The following RBMS3 variants were observed in gnomAD, a reference collection of about 807,000 sequenced individuals.
RBMS3 encodes the protein RNA-binding motif, single-stranded-interacting protein 3.
RBMS3 carries 27 observed loss-of-function variants against 66.8 expected under a neutral mutation model. That is an observed-to-expected ratio of 0.40 (90% CI 0.30 to 0.56). RBMS3 has a LOEUF of 0.56. RBMS3 is among the 20% of genes least tolerant of loss of function. The probability of loss-of-function intolerance (pLI) is 0.40; values close to 1 mark genes in which losing one functional copy is unlikely to be tolerated. For missense variants in RBMS3, 513 were observed against 549.5 expected (o/e 0.93, Z 0.66); for synonymous variants, 188 against 183.0 (o/e 1.03, Z -0.22).
chr3:29,552,119 A>T lies in RBMS3; in HGVS notation c.308-34995A>T, dbSNP rs538239502. Among the ~76,000 whole-genome samples, 10 of 152,338 alleles carry T rather than the reference A, an allele frequency of 6.6e-5. No homozygotes were observed. The East Asian group carries it at 1.7e-3, about 26-fold the overall frequency. ...GGAGTTCTGAAAATCAAGTTTAAAA[A>T]TAAAAATCTTGATACAACAAACCAT... is the stretch of plus-strand genomic sequence containing the variant. On this transcript the variant is annotated intron_variant, in intron 3 of 14. Coordinates refer to ENST00000383767, the MANE Select transcript of RBMS3 (RefSeq NM_001003793.3).
intron 10 of RBMS3, among the ~76,000 whole-genome samples, chr3:29,918,876 G>A (rs9853138): frequency 0.05 from 7,645 of 151,794 alleles, 271 homozygotes; most frequent in African/African-American, 0.097. Context: ...AAAGAACTCT[G>A]AATCAAACCC....
chr3:29,947,378 A>T (rs547047664), intron 12 of RBMS3, among the ~76,000 whole-genome samples: 104 of 151,802 alleles, frequency 6.9e-4, no homozygotes, highest in Non-Finnish European at 1.2e-3. Flanking sequence ...TATTTTACTT[A>T]GGAAGAGTCT....
At chr3:29,924,967 T>G (rs1365500069) in intron 10 of RBMS3, 1 of 152,126 alleles carries the variant, frequency 6.6e-6, no homozygotes, top group African/African-American at 2.4e-5. Flanking sequence ...CAAGATGACT[T>G]AGGAGTTTCT....
intron 4 of RBMS3, among the ~76,000 whole-genome samples, chr3:29,643,398 A>G (rs1008745962): frequency 2.6e-5 from 4 of 151,968 alleles, no homozygotes; most frequent in African/African-American, 9.7e-5. Flanking sequence ...TTCTTTGTTG[A>G]CTTCTTCCCC....
At chr3:29,732,001 TTCTCTCCC>T (rs1338540754) in intron 4 of RBMS3, among the ~76,000 whole-genome samples, 2 of 151,408 alleles carry the variant, frequency 1.3e-5, no homozygotes, top group Non-Finnish European at 2.9e-5. Context: ...CCCTCTCTTT[TTCTCTCCC>T]TCTCTCCCTC....
At chr3:29,503,355 C>A (rs934336257) in intron 3 of RBMS3, among the ~76,000 whole-genome samples, 2 of 152,078 alleles carry the variant, frequency 1.3e-5, no homozygotes, top group Admixed American at 1.3e-4. Context: ...GTCATTCATT[C>A]CCTTCTGTCC....
chr3:29,403,150 TA>T (rs936863722), intron 1 of RBMS3, among the ~76,000 whole-genome samples: 6 of 151,930 alleles, frequency 3.9e-5, no homozygotes, highest in African/African-American at 1.2e-4. Flanking sequence ...AAAACAAACA[TA>T]AAAAAGTATT....
chr3:29,358,610 G>A (rs1233460236), intron 1 of RBMS3, among the ~76,000 whole-genome samples: 1 of 152,116 alleles, frequency 6.6e-6, no homozygotes, highest in African/African-American at 2.4e-5. Context: ...GATGGGGATG[G>A]CATTGAATCT....
At chr3:29,770,158 T>G (rs897806182) in intron 6 of RBMS3, among the ~76,000 whole-genome samples, 1 of 151,954 alleles carries the variant, frequency 6.6e-6, no homozygotes, top group Non-Finnish European at 1.5e-5. Flanking sequence ...TCTAAACTTT[T>G]TGCCACTGGA....
intron 1 of RBMS3, among the ~76,000 whole-genome samples, chr3:29,365,039 T>C (rs2037819405): frequency 6.6e-6 from 1 of 152,136 alleles, no homozygotes; most frequent in Non-Finnish European, 1.5e-5. Flanking sequence ...AGGGTCAAAA[T>C]GGAATATCGT....
intron 4 of RBMS3, among the ~76,000 whole-genome samples, chr3:29,617,597 A>T (rs1020859551): frequency 3.9e-5 from 6 of 152,190 alleles, no homozygotes; most frequent in African/African-American, 1.4e-4. Context: ...TTGCTTTGCC[A>T]TATAGGAACC....
intron 2 of RBMS3, among the ~76,000 whole-genome samples, chr3:29,467,490 T>G (rs2042582828): frequency 6.6e-6 from 1 of 152,190 alleles, no homozygotes; most frequent in African/African-American, 2.4e-5. Flanking sequence ...AGTGATCTAA[T>G]TAAAATGCAG....
chr3:29,706,061 T>G (rs957018070), intron 4 of RBMS3, among the ~76,000 whole-genome samples: 5 of 152,134 alleles, frequency 3.3e-5, no homozygotes, highest in Non-Finnish European at 7.4e-5. Flanking sequence ...TCCAAGGACA[T>G]GTTGTCACCT....
chr3:29,376,427 A>G (rs1021878463), intron 1 of RBMS3, among the ~76,000 whole-genome samples: 1 of 152,216 alleles, frequency 6.6e-6, no homozygotes, highest in African/African-American at 2.4e-5. Context: ...ATCCATATGT[A>G]AAGCAGCAGC....
chr3:29,555,608 G>T (rs2046331981), intron 3 of RBMS3, among the ~76,000 whole-genome samples: 1 of 152,102 alleles, frequency 6.6e-6, no homozygotes, highest in Non-Finnish European at 1.5e-5. Context: ...CCATCAAAAT[G>T]CAAAATAGAA....
chr3:29,390,086 T>G (rs954176108), intron 1 of RBMS3, among the ~76,000 whole-genome samples: 2 of 152,240 alleles, frequency 1.3e-5, no homozygotes, highest in South Asian at 4.1e-4. Flanking sequence ...AACCCCTTGA[T>G]ACCACTCCTG....
chr3:29,822,112 T>C (rs1195381167), intron 6 of RBMS3, among the ~76,000 whole-genome samples: 1 of 152,236 alleles, frequency 6.6e-6, no homozygotes, highest in Admixed American at 6.5e-5. Flanking sequence ...AGCTTTCTTG[T>C]GTGCTTTTCA....
chr3:29,643,377 A>G (rs532589082), intron 4 of RBMS3, among the ~76,000 whole-genome samples: 52 of 152,242 alleles, frequency 3.4e-4, no homozygotes, highest in African/African-American at 1.2e-3. Context: ...TGAGCCTCAT[A>G]GTGGTATAAT....
At chr3:29,992,382 A>T (rs968143936) in intron 14 of RBMS3, among the ~76,000 whole-genome samples, 2 of 152,170 alleles carry the variant, frequency 1.3e-5, no homozygotes, top group South Asian at 2.1e-4. Context: ...GTCAGGAGAT[A>T]GAGACCATCC....
Sources: gnomAD v4.1 joint callset for allele counts (sites outside exome capture counted in the v4.1 genomes callset) on GRCh38, gnomAD v4.1.1 for gene constraint, MANE v1.5 for transcripts, NCBI Gene and HGNC (gene_info 2026-07-23, HGNC 2026-07-21) for gene names.